The following GRM7 variants were observed in gnomAD, a reference collection of about 807,000 sequenced individuals.
The protein encoded by GRM7 is glutamate metabotropic receptor 7.
A neutral mutation model predicts 84.5 loss-of-function variants in GRM7; 35 were observed. The ratio of observed to expected loss-of-function variants is 0.41; its 90% CI spans 0.32 to 0.55. The LOEUF (loss-of-function observed/expected upper bound fraction) is 0.55. Ranked by LOEUF, GRM7 falls within the 20% of genes least tolerant of loss-of-function variation. The probability of loss-of-function intolerance (pLI) is 0.19; values close to 1 mark genes in which losing one functional copy is unlikely to be tolerated. For missense variants in GRM7, 1,003 were observed against 1,194.6 expected (o/e 0.84, Z 2.36); for synonymous variants, 487 against 455.1 (o/e 1.07, Z -0.89).
intron 4 of GRM7, among the ~76,000 whole-genome samples, chr3:7,343,950 C>T (rs562196010): frequency 6.6e-5 from 10 of 152,218 alleles, no homozygotes; most frequent in African/African-American, 1.2e-4. Flanking sequence ...CTGGATGTAG[C>T]GGCTAGAGCT....
At chr3:7,278,102 T>C (rs1699135955) in intron 2 of GRM7, among the ~76,000 whole-genome samples, 1 of 152,046 alleles carries the variant, frequency 6.6e-6, no homozygotes, top group Non-Finnish European at 1.5e-5. Context: ...GGGAGTTTGA[T>C]TTAGTTAGCA....
intron 9 of GRM7, among the ~76,000 whole-genome samples, chr3:7,705,956 C>T (rs1701373173): frequency 6.6e-6 from 1 of 152,136 alleles, no homozygotes; most frequent in Admixed American, 6.5e-5. Context: ...GGAAATATTT[C>T]ATAAGTTGAG....
At chr3:7,434,067 T>A (rs900604536) in intron 5 of GRM7, among the ~76,000 whole-genome samples, 4 of 152,172 alleles carry the variant, frequency 2.6e-5, no homozygotes, top group African/African-American at 9.6e-5. Context: ...CAACCCTAAG[T>A]TTTTCATGTT....
intron 2 of GRM7, among the ~76,000 whole-genome samples, chr3:7,267,037 C>G (rs1361514876): frequency 2.0e-5 from 3 of 152,170 alleles, no homozygotes; most frequent in East Asian, 3.8e-4. Flanking sequence ...ATCTTCCTAT[C>G]TGGTGCTTTT....
chr3:7,578,645 C>T lies in GRM7; in HGVS notation c.1739C>T (p.Pro580Leu), dbSNP rs1268057990. 6.2e-7 allele frequency: 1 copy of T among 1,613,784 alleles called. No homozygotes were observed. Among genetic ancestry groups the T allele is most frequent in the Non-Finnish European group, 8.5e-7 (1 of 1,179,754 alleles). The change falls in exon 8 of 10, where the codon CCC becomes CTC. Residue 580 changes from proline to leucine, a missense_variant. By Grantham distance (98) the Pro-to-Leu change is moderately conservative (BLOSUM62 -3). Coordinates refer to ENST00000357716, the MANE Select transcript of GRM7 (RefSeq NM_000844.4). ...NENRTGCQDIPIIKLEWHSPW... is the reference protein window; with the variant it reads ...NENRTGCQDILIIKLEWHSPW... ...AATCGAACCGGATGCCAGGATATTC[C>T]CATCATCAAACTGGAGTGGCACTCC...
intron 1 of GRM7, among the ~76,000 whole-genome samples, chr3:7,125,540 G>T (rs1186558669): frequency 6.6e-6 from 1 of 152,082 alleles, no homozygotes; most frequent in Admixed American, 6.6e-5. Flanking sequence ...TAAAGATAAG[G>T]TTATGATGTC....
intron 7 of GRM7, among the ~76,000 whole-genome samples, chr3:7,551,854 TA>T (rs1230242121): frequency 6.6e-6 from 1 of 152,084 alleles, no homozygotes. Context: ...GGTAATTTAT[TA>T]AGGAAAGAAG....
chr3:7,541,319 A>T (rs1427775969), intron 7 of GRM7, among the ~76,000 whole-genome samples: 2 of 152,150 alleles, frequency 1.3e-5, no homozygotes, highest in African/African-American at 4.8e-5. Flanking sequence ...TTTGGAGCCA[A>T]ACTTATACTA....
intron 8 of GRM7, among the ~76,000 whole-genome samples, chr3:7,640,111 A>G (rs140351115): frequency 3.5e-4 from 53 of 152,218 alleles, no homozygotes; most frequent in African/African-American, 1.2e-3. Context: ...AAGGTTCCAC[A>G]CTAATTTATC....
At chr3:7,325,525 G>T (rs1700949908) in intron 4 of GRM7, among the ~76,000 whole-genome samples, 1 of 152,218 alleles carries the variant, frequency 6.6e-6, no homozygotes, top group African/African-American at 2.4e-5. Context: ...CACACTTTGA[G>T]AACCTCTGCT....
intron 4 of GRM7, among the ~76,000 whole-genome samples, chr3:7,403,644 T>TATA (rs1416062288): frequency 6.8e-6 from 1 of 146,246 alleles, no homozygotes; most frequent in African/African-American, 2.5e-5. Context: ...TATATATATA[T>TATA]ATATATGTAC....
At chr3:7,571,184 A>G (rs1694638048) in intron 7 of GRM7, among the ~76,000 whole-genome samples, 1 of 152,044 alleles carries the variant, frequency 6.6e-6, no homozygotes, top group South Asian at 2.1e-4. Flanking sequence ...CATTTTCCCC[A>G]TTGTCTCAGG....
intron 4 of GRM7, among the ~76,000 whole-genome samples, chr3:7,407,426 T>C (rs944384449): frequency 6.6e-6 from 1 of 152,212 alleles, no homozygotes; most frequent in South Asian, 2.1e-4. Context: ...AGGAAAATGA[T>C]AAGAGGCTTT....
rs1425846376 is a variant in GRM7, at chr3:7,132,290, C to G, written c.520-14162C>G. ...TTTGTACAAGCTACATATTATATTCCTTACTTGGTATGTAACAAAACATAA... is the reference window on the plus strand; with the variant it reads ...TTTGTACAAGCTACATATTATATTCGTTACTTGGTATGTAACAAAACATAA... On this transcript the variant is annotated intron_variant, in intron 1 of 9. Transcript: ENST00000357716. Among the ~76,000 whole-genome samples, 2 of 152,098 alleles carry G rather than the reference C, an allele frequency of 1.3e-5. 1 individual carries two copies. Among genetic ancestry groups the G allele is most frequent in the East Asian group, 3.9e-4 (2 of 5,188 alleles).
intron 2 of GRM7, among the ~76,000 whole-genome samples, chr3:7,184,098 A>G (rs968378785): frequency 6.6e-6 from 1 of 152,170 alleles, no homozygotes; most frequent in African/African-American, 2.4e-5. Context: ...TTAAAGAGAA[A>G]AAGAGAGTGT....
At chr3:7,307,492 A>T (rs1457736487) in intron 4 of GRM7, among the ~76,000 whole-genome samples, 1 of 152,078 alleles carries the variant, frequency 6.6e-6, no homozygotes, top group Non-Finnish European at 1.5e-5. Flanking sequence ...AAATATTTGC[A>T]TTTTCTATTC....
At chr3:6,956,417 C>T (rs1219816942) in intron 1 of GRM7, 1 of 381,746 alleles carries the variant, frequency 2.6e-6, no homozygotes, top group South Asian at 2.0e-5. Context: ...AGAAGCCCTG[C>T]TCCTCTCAGA....
At chr3:7,050,884 G>A (rs1696972581) in intron 1 of GRM7, among the ~76,000 whole-genome samples, 1 of 151,842 alleles carries the variant, frequency 6.6e-6, no homozygotes. Flanking sequence ...TTAGATGCCA[G>A]TTGAATGAAA....
chr3:7,478,840 A>G (rs1699025093), intron 7 of GRM7, among the ~76,000 whole-genome samples: 1 of 152,290 alleles, frequency 6.6e-6, no homozygotes, highest in East Asian at 1.9e-4. Context: ...TCACCTGCAC[A>G]TCTTTGACGG....
Sources: gnomAD v4.1 joint callset for allele counts (sites outside exome capture counted in the v4.1 genomes callset) on GRCh38, gnomAD v4.1.1 for gene constraint, MANE v1.5 for transcripts, NCBI Gene and HGNC (gene_info 2026-07-23, HGNC 2026-07-21) for gene names.